The following DMPK variants were observed in gnomAD, a reference collection of about 807,000 sequenced individuals.
The protein encoded by DMPK is DM1 protein kinase.
DMPK carries 32 observed loss-of-function variants against 70.3 expected under a neutral mutation model. That is an observed-to-expected ratio of 0.46 (90% CI 0.34 to 0.61). DMPK has a LOEUF of 0.61. Among genes scored for constraint, DMPK ranks in the 20% least tolerant of loss-of-function variants. The probability of loss-of-function intolerance (pLI) is 0.01; values close to 1 mark genes in which losing one functional copy is unlikely to be tolerated. For missense variants in DMPK, 899 were observed against 886.0 expected, an observed-to-expected ratio of 1.01 and a Z score of -0.19; for synonymous variants, 469 against 390.9, an observed-to-expected ratio of 1.20 and a Z score of -2.36.
At chr19:45,781,211 G>A (rs522004) in intron 1 of DMPK, among the ~76,000 whole-genome samples, 2 of 152,288 alleles carry the variant, frequency 1.3e-5, no homozygotes, top group Non-Finnish European at 2.9e-5. Context: ...TTACACACAG[G>A]CCAAAAACCA....
In DMPK at chr19:45,770,617, C is replaced by T. The variant is rs1458687415; in HGVS notation, c.1761G>A (p.Glu587=). The T allele has an allele frequency of 6.4e-7, 1 of 1,552,582 alleles. No homozygotes were observed. The highest frequency in any genetic ancestry group is 8.7e-7 in the Non-Finnish European group (1 of 1,148,178). Residue 587 remains glutamate (E), a synonymous_variant, in exon 15 of 15, where the codon GAG becomes GAA. Coordinates refer to ENST00000291270, the MANE Select transcript of DMPK (RefSeq NM_004409.5). ...PARVPRPGLS[E]ALSLLLFAVV... is the part of the protein sequence containing the mutation. ...CGGCGAACAGGAGCAGGGAAAGCGC[C>T]TCCGATAGGCCAGGCCTAGGGACCT... is the stretch of plus-strand genomic sequence containing the variant.
intron 8 of DMPK, among the ~76,000 whole-genome samples, chr19:45,776,068 G>A (rs1450598870): frequency 9.4e-6 from 1 of 106,810 alleles, no homozygotes; most frequent in Non-Finnish European, 2.0e-5. Flanking sequence ...ATGACCCACC[G>A]GCCTTGGACT....
chr19:45,777,833 G>A lies in DMPK; in HGVS notation c.716C>T (p.Ser239Phe). ...LVAVGTPDYL[S>F]PEILQAVGGG... ...GCCCACAGCCTGCAGGATCTCGGGG[G>A]ACAGGTAGTCTGGGGTGCCCACAGC... Residue 239 changes from serine (S) to phenylalanine (F), a missense_variant, in exon 7 of 15, where the codon TCC becomes TTC. This residue lies in a region of DMPK where 195 missense variants were observed against 259.7 expected (regional missense o/e 0.75). Transcript: ENST00000291270. This position sits in a 1 kb window ranked among gnomAD's most constrained non-coding sequence, Gnocchi z 6.7. The A allele has an allele frequency of 3.1e-6, 5 of 1,611,590 alleles. No homozygotes were observed. The highest frequency in any genetic ancestry group is 4.2e-6 in the Non-Finnish European group (5 of 1,179,980).
chr19:45,778,082 C>G lies in DMPK; in HGVS notation c.675+45G>C, dbSNP rs759417388. On this transcript the variant is annotated intron_variant, in intron 6 of 14. Transcript: ENST00000291270. ...CTCCCACACTCTGTGCCTTCCATCC[C>G]TCATCAGCAGCCCCAGTTGCTCTGT... The G allele has an allele frequency of 5.3e-6, 8 of 1,507,854 alleles. No individual in the cohort carries two copies. The South Asian group carries it at 9.4e-5, about 18-fold the overall frequency. The allele number at this position is 1,507,854 out of a possible 1,614,324, so 93.4% of individuals were successfully genotyped here.
Position 45,777,083 on chromosome 19 carries a change from C to A in DMPK, c.1146+244G>T. On this transcript the variant is annotated intron_variant, in intron 8 of 14. Coordinates refer to ENST00000291270, the MANE Select transcript of DMPK (RefSeq NM_004409.5). The surrounding 1 kb of genome is among the most constrained non-coding windows in gnomAD (Gnocchi z 6.7). ...TTGCTGAGTCAGGAGTCCCCCACCC[C>A]CTGCACTCCATTGTCTCAGCCCTGA... 1 of 505,650 alleles carries A rather than the reference C, an allele frequency of 2.0e-6. No homozygotes were observed. Among genetic ancestry groups the A allele is most frequent in the Non-Finnish European group, 3.3e-6 (1 of 303,936 alleles). The allele number at this position is 505,650 out of a possible 1,614,324, so 31.3% of individuals were successfully genotyped here. A position where few individuals can be genotyped will look rare whatever the true frequency, so the allele number is the denominator to read the frequency against.
rs887327040 is a variant in DMPK at position 45,775,190 on chromosome 19, C to T, written c.1147-156G>A. Reference sequence around the variant, plus strand: ...TTTTCTTTTTTCTTTTTCTTTGATACGGAGTCTCGCTCTGTTACCCAGGCT... The same window carrying T: ...TTTTCTTTTTTCTTTTTCTTTGATATGGAGTCTCGCTCTGTTACCCAGGCT... On this transcript the variant is annotated intron_variant, in intron 8 of 14. Transcript: ENST00000291270. 1.8e-5 allele frequency: 11 copies of T among 604,896 alleles called. No individual in the cohort carries two copies. The East Asian group carries it at 2.0e-4, about 11-fold the overall frequency. 37.5% of individuals were successfully genotyped at this position (604,896 alleles called of 1,614,324 possible). A position where few individuals can be genotyped will look rare whatever the true frequency, so the allele number is the denominator to read the frequency against.
In DMPK at chr19:45,771,756, G is replaced by A. The variant is rs764541567; in HGVS notation, c.1502+15C>T. The A allele has an allele frequency of 6.9e-6, 11 of 1,587,436 alleles. No homozygotes were observed. In the South Asian group the frequency reaches 7.9e-5, roughly 11 times the overall value. ...CGGCCCGCATCCCGGCCCCGGCCCC[G>A]GCCCCGATCCCGACCTGGCGAAGTT... On this transcript the variant is annotated intron_variant, in intron 11 of 14. Transcript: ENST00000291270.
Position 45,772,728 on chromosome 19 carries a change from T to G in DMPK, c.1257A>C (p.Thr419=), listed in dbSNP as rs748788537. Residue 419 remains threonine, a synonymous_variant, in exon 10 of 15, where the codon ACA becomes ACC. Transcript: ENST00000291270. The part of the protein sequence containing the change: ...ALRDSEVPGP[T]PMELEAEQLL... Reference sequence around the variant, plus strand: ...GCTGCTCGGCCTCCAGTTCCATGGGTGTGGGGCCTGGGACCTCACTGTCCC... The same window carrying G: ...GCTGCTCGGCCTCCAGTTCCATGGGGGTGGGGCCTGGGACCTCACTGTCCC... The G allele has an allele frequency of 6.6e-7, 1 of 1,508,716 alleles. No individual in the cohort carries two copies. The highest frequency in any genetic ancestry group is 1.4e-5 in the South Asian group (1 of 73,010). The allele number at this position is 1,508,716 out of a possible 1,614,324, so 93.5% of individuals were successfully genotyped here.
chr19:45,771,006 G>C lies in DMPK; in HGVS notation c.1702C>G (p.Pro568Ala). The change falls in exon 14 of 15, where the codon CCC becomes GCC. Residue 568 changes from proline (P) to alanine (A), a missense_variant. Coordinates refer to ENST00000291270, the MANE Select transcript of DMPK (RefSeq NM_004409.5). ...VGQCPLVGPG[P>A]MHRRHLLLPA... ...AGCAGCAGGTGGCGGCGGTGCATGGGGCCTGGCCCCACCAGCGGGCACTGG... is the reference window on the plus strand; with the variant it reads ...AGCAGCAGGTGGCGGCGGTGCATGGCGCCTGGCCCCACCAGCGGGCACTGG... 6.8e-7 allele frequency: 1 copy of C among 1,469,722 alleles called. No individual in the cohort carries two copies. Among genetic ancestry groups the C allele is most frequent in the Non-Finnish European group, 9.0e-7 (1 of 1,113,922 alleles). 91.0% of individuals were successfully genotyped at this position (1,469,722 alleles called of 1,614,324 possible). A position where few individuals can be genotyped will look rare whatever the true frequency, so the allele number is the denominator to read the frequency against.
chr19:45,772,739 G>T lies in DMPK; in HGVS notation c.1246C>A (p.Pro416Thr). Residue 416 changes from proline to threonine, a missense_variant, in exon 10 of 15, where the codon CCA (proline) becomes ACA (threonine). Coordinates refer to ENST00000291270, the MANE Select transcript of DMPK (RefSeq NM_004409.5). Reference sequence around the variant, plus strand: ...TCCAGTTCCATGGGTGTGGGGCCTGGGACCTCACTGTCCCTGGGGAGAGGA... The same window carrying T: ...TCCAGTTCCATGGGTGTGGGGCCTGTGACCTCACTGTCCCTGGGGAGAGGA... ...SCMALRDSEV[P>T]GPTPMELEAE... is the part of the protein sequence containing the mutation. 1 of 1,500,294 alleles carries T rather than the reference G, an allele frequency of 6.7e-7. No homozygotes were observed. The highest frequency in any genetic ancestry group is 8.8e-7 in the Non-Finnish European group (1 of 1,134,988). 92.9% of individuals were successfully genotyped at this position (1,500,294 alleles called of 1,614,324 possible).
intron 2 of DMPK, 126 bp downstream of exon 2, chr19:45,779,652 A>G (rs1970005948): frequency 9.6e-6 from 15 of 1,555,272 alleles, no homozygotes; most frequent in Non-Finnish European, 1.2e-5. Flanking sequence ...CATTGGTCCC[A>G]AGCCCCGCCT....
Position 45,777,415 on chromosome 19 carries a change from G to C in DMPK, c.1058C>G (p.Pro353Arg), listed in dbSNP as rs894872316. Residue 353 changes from proline to arginine, a missense_variant, in exon 8 of 15, where the codon CCC (proline) becomes CGC (arginine). Physicochemically the swap from Pro to Arg is moderately radical, Grantham distance 103. Around this residue, in one of 3 missense-constraint regions of DMPK, gnomAD observed 555 missense variants for 483.8 expected, o/e 1.15. Coordinates refer to ENST00000291270, the MANE Select transcript of DMPK (RefSeq NM_004409.5). The surrounding 1 kb of genome is among the most constrained non-coding windows in gnomAD (Gnocchi z 6.7). Reference sequence around the variant, plus strand: ...GGCACCTTCGAAATCCGGTGTAAAGGGGGGCACGCTGTCCCGGAGACCATC... The same window carrying C: ...GGCACCTTCGAAATCCGGTGTAAAGCGGGGCACGCTGTCCCGGAGACCATC... ...DWDGLRDSVP[P>R]FTPDFEGATD... is the part of the protein sequence containing the mutation. 5.0e-6 allele frequency: 8 copies of C among 1,613,364 alleles called. No individual in the cohort carries two copies. The highest frequency in any genetic ancestry group is 5.9e-6 in the Non-Finnish European group (7 of 1,179,924).
chr19:45,778,043 C>T lies in DMPK; in HGVS notation c.675+84G>A. On this transcript the variant is annotated intron_variant, in intron 6 of 14. Transcript: ENST00000291270. ...GGGTCACACCACCTCTTTTCCCCTC[C>T]AAATCCAGTCCCGCTCCCACACTCT... is the stretch of plus-strand genomic sequence containing the variant. 8.2e-6 allele frequency: 11 copies of T among 1,338,442 alleles called. No homozygotes were observed. In the South Asian group the frequency reaches 1.1e-4, roughly 14 times the overall value. 82.9% of individuals were successfully genotyped at this position (1,338,442 alleles called of 1,614,324 possible).
At position 45,777,638 on chromosome 19, in the gene DMPK, A is replaced by G; in HGVS notation, c.882+29T>C. 1 of 1,613,524 alleles carries G rather than the reference A, an allele frequency of 6.2e-7. No homozygotes were observed. The highest frequency in any genetic ancestry group is 8.5e-7 in the Non-Finnish European group (1 of 1,179,824). The stretch of plus-strand genomic sequence containing the variant: ...ATAGCCTGGGAGCGCCTACCGGGAG[A>G]GGCCAGGTCTCCCTGCGGCCGTGCT... On this transcript the variant is annotated intron_variant, in intron 7 of 14. Coordinates refer to ENST00000291270, the MANE Select transcript of DMPK (RefSeq NM_004409.5). This position sits in a 1 kb window ranked among gnomAD's most constrained non-coding sequence, Gnocchi z 6.7.
chr19:45,773,783 G>C (rs1038134172), intron 9 of DMPK, among the ~76,000 whole-genome samples: 16 of 152,050 alleles, frequency 1.1e-4, no homozygotes, highest in African/African-American at 3.9e-4. Flanking sequence ...TAGGACTGCA[G>C]GCACAGACCA....
rs371027164 is a variant in DMPK, at chr19:45,775,066, C to G, written c.1147-32G>C. The G allele has an allele frequency of 2.5e-6, 4 of 1,578,692 alleles. No individual in the cohort carries two copies. The African/African-American group carries it at 5.4e-5, about 21-fold the overall frequency. On this transcript the variant is annotated intron_variant, in intron 8 of 14. Coordinates refer to ENST00000291270, the MANE Select transcript of DMPK (RefSeq NM_004409.5). ...AAGACACACAGATGTGAGCAGCAGT[C>G]GTCAGGGCGGGCCCCTCACTGCTTT...
intron 13 of DMPK, 107 bp from the exon 14 acceptor site, chr19:45,771,167 TC>T (rs902031933): frequency 2.6e-6 from 3 of 1,167,536 alleles, no homozygotes; most frequent in East Asian, 2.7e-5. Flanking sequence ...TCTAGGGAGA[TC>T]CCGGAGGGAA....
At chr19:45,771,487 C>G in intron 12 of DMPK, 81 bp downstream of exon 12, 1 of 1,610,366 alleles carries the variant, frequency 6.2e-7, no homozygotes, top group Admixed American at 1.7e-5. Flanking sequence ...TTCCCTCCTC[C>G]AGGTGTCTAT....
In DMPK at chr19:45,779,426, C is replaced by T. The variant is rs988913485; in HGVS notation, c.336+13G>A. The T allele has an allele frequency of 1.2e-6, 2 of 1,613,864 alleles. No individual in the cohort carries two copies. Among genetic ancestry groups the T allele is most frequent in the Admixed American group, 3.3e-5 (2 of 60,004 alleles). ...GGATCCTCAAAGCCCCCCACGTCCG[C>T]CCAGCCCCTCACCTCGCCCCTCTTC... is the stretch of plus-strand genomic sequence containing the variant. On this transcript the variant is annotated intron_variant, in intron 3 of 14. Coordinates refer to ENST00000291270, the MANE Select transcript of DMPK (RefSeq NM_004409.5).
Sources: gnomAD v4.1 joint callset for allele counts (sites outside exome capture counted in the v4.1 genomes callset) on GRCh38, gnomAD v4.1.1 for gene constraint, gnomAD v4.1.1 regional missense constraint, Gnocchi (gnomAD v3.1) non-coding constraint, MANE v1.5 for transcripts, NCBI Gene and HGNC (gene_info 2026-07-23, HGNC 2026-07-21) for gene names.